Variants in EEF2KMT observed in about 807,000 individuals in gnomAD.
EEF2KMT encodes protein-lysine N-methyltransferase EEF2KMT.
Under a neutral mutation model 35.1 loss-of-function variants are expected in EEF2KMT, and 30 were observed. That is an observed-to-expected ratio of 0.85 (90% CI 0.64 to 1.16). EEF2KMT has a LOEUF of 1.16. EEF2KMT is among the 50% of genes most tolerant of loss of function. The probability of loss-of-function intolerance (pLI) is 0.00; values close to 1 mark genes in which losing one functional copy is unlikely to be tolerated. For synonymous variants in EEF2KMT, 190 were observed against 187.7 expected (o/e 1.01, Z -0.10); for missense variants, 499 against 438.2 (o/e 1.14, Z -1.24).
At chr16:5,088,272 G>C (rs1167798417) in intron 7 of EEF2KMT, among the ~76,000 whole-genome samples, 1 of 152,076 alleles carries the variant, frequency 6.6e-6, no homozygotes, top group Non-Finnish European at 1.5e-5. Context: ...GGGGGACTCT[G>C]TCGTGGAACC....
chr16:5,087,800 CAAA>C lies in EEF2KMT; in HGVS notation c.892+1304_892+1306del, dbSNP rs34399333. On this transcript the variant is annotated intron_variant, in intron 7 of 7. Coordinates refer to ENST00000427587, the MANE Select transcript of EEF2KMT (RefSeq NM_201400.4). ...GGCAATACAAAGCCAGACTCTGTCT[CAAA>C]AAAAAAAAAAAAAAAAAAGGTGGGT... is the stretch of plus-strand genomic sequence containing the variant. 6.1e-4 allele frequency among the ~76,000 whole-genome samples: 45 copies of C among 73,204 alleles called. 1 individual carries two copies. The highest frequency in any genetic ancestry group is 1.4e-3 in the African/African-American group (27 of 18,722). The allele number at this position is 73,204 out of a possible 152,430, so 48.0% of individuals were successfully genotyped here. A position where few individuals can be genotyped will look rare whatever the true frequency, so the allele number is the denominator to read the frequency against.
At chr16:5,092,008 G>T in intron 3 of EEF2KMT, 113 bp from the exon 4 acceptor site, 8 of 1,532,334 alleles carry the variant, frequency 5.2e-6, no homozygotes, top group Non-Finnish European at 7.0e-6. Flanking sequence ...TATAATACCG[G>T]CCAGCTGCCA....
At chr16:5,091,974 G>C in intron 3 of EEF2KMT, 79 bp from the exon 4 acceptor site, 2 of 1,593,934 alleles carry the variant, frequency 1.3e-6, no homozygotes, top group Non-Finnish European at 1.7e-6. Flanking sequence ...ACCAAGTTTG[G>C]AGGGGAGATT....
chr16:5,089,406 T>C lies in EEF2KMT; in HGVS notation c.743-150A>G. ...TTTGGGCCATTAGATGGAAAGGCAATTACTTGGGTGAAAAAGGAGAACCCT... is the reference window on the plus strand; with the variant it reads ...TTTGGGCCATTAGATGGAAAGGCAACTACTTGGGTGAAAAAGGAGAACCCT... On this transcript the variant is annotated intron_variant, in intron 6 of 7. Coordinates refer to ENST00000427587, the MANE Select transcript of EEF2KMT (RefSeq NM_201400.4). 6.4e-6 allele frequency: 7 copies of C among 1,090,142 alleles called. No individual in the cohort carries two copies. The Admixed American group carries it at 1.3e-4, about 20-fold the overall frequency. The allele number at this position is 1,090,142 out of a possible 1,614,324, so 67.5% of individuals were successfully genotyped here.
chr16:5,092,001 A>T, intron 3 of EEF2KMT, 106 bp from the exon 4 acceptor site: 1 of 1,546,910 alleles, frequency 6.5e-7, no homozygotes, highest in Non-Finnish European at 8.7e-7. Flanking sequence ...GGAATGGTAT[A>T]ATACCGGCCA....
Position 5,084,635 on chromosome 16 carries a change from T to A in EEF2KMT, c.*997A>T. On this transcript the variant is annotated 3_prime_UTR_variant, in exon 8 of 8. Coordinates refer to ENST00000427587, the MANE Select transcript of EEF2KMT (RefSeq NM_201400.4). Reference sequence around the variant, plus strand: ...AGGGTCTCGAGTCCAAGTGAGGGAGTTAGGGACTTGGGAGGGGTTGTTGTT... The same window carrying A: ...AGGGTCTCGAGTCCAAGTGAGGGAGATAGGGACTTGGGAGGGGTTGTTGTT... The A allele has an allele frequency of 1.3e-6, 2 of 1,492,822 alleles. No individual in the cohort carries two copies. The highest frequency in any genetic ancestry group is 1.1e-5 in the South Asian group (1 of 87,072). The allele number at this position is 1,492,822 out of a possible 1,614,324, so 92.5% of individuals were successfully genotyped here.
intron 7 of EEF2KMT, among the ~76,000 whole-genome samples, chr16:5,088,849 AG>A (rs1957273647): frequency 6.6e-6 from 1 of 152,108 alleles, no homozygotes; most frequent in Non-Finnish European, 1.5e-5. Flanking sequence ...CCAAGGGCTT[AG>A]GGAACCCTGC....
intron 4 of EEF2KMT, among the ~76,000 whole-genome samples, chr16:5,091,270 T>TG (rs1461542270): frequency 6.6e-6 from 1 of 152,178 alleles, no homozygotes; most frequent in African/African-American, 2.4e-5. Flanking sequence ...TTAGTAAAGA[T>TG]GGAGTTTCAC....
At chr16:5,086,209 C>T (rs1283111560) in intron 7 of EEF2KMT, among the ~76,000 whole-genome samples, 3 of 152,024 alleles carry the variant, frequency 2.0e-5, no homozygotes, top group Non-Finnish European at 2.9e-5. Context: ...ATGGCGAGTG[C>T]CTGTAATCCC....
At chr16:5,097,140 C>T (rs1334519008) in intron 1 of EEF2KMT, 3 of 426,962 alleles carry the variant, frequency 7.0e-6, no homozygotes, top group Non-Finnish European at 1.1e-5. Flanking sequence ...AGGCCACCCC[C>T]TTCTCTGTCT....
intron 6 of EEF2KMT, 125 bp from the exon 7 acceptor site, chr16:5,089,381 T>C: frequency 7.6e-7 from 1 of 1,322,638 alleles, no homozygotes; most frequent in South Asian, 1.4e-5. Flanking sequence ...CATTTGACCA[T>C]TTGGGCCATT....
intron 3 of EEF2KMT, 151 bp downstream of exon 3, chr16:5,093,333 A>G (rs1957381393): frequency 1.6e-6 from 2 of 1,219,978 alleles, no homozygotes. Flanking sequence ...ACTGTCTCCC[A>G]TGGGTCACAT....
At chr16:5,089,041 C>CT (rs1398211747) in intron 7 of EEF2KMT, 66 bp downstream of exon 7, 81 of 1,607,492 alleles carry the variant, frequency 5.0e-5, no homozygotes, top group Non-Finnish European at 6.6e-5. Context: ...AGTTCTTTCA[C>CT]TTCCACTGGC....
At position 5,097,443 on chromosome 16, in the gene EEF2KMT, C is replaced by T. The variant is rs1957495565; in HGVS notation, c.96+201G>A. On this transcript the variant is annotated intron_variant, in intron 1 of 7. Coordinates refer to ENST00000427587, the MANE Select transcript of EEF2KMT (RefSeq NM_201400.4). ...GGCTGTGGAGACGCCCCCAGCTTCC[C>T]CCGCCAGCTCGCGGGGCAGGAGGGG... The T allele has an allele frequency of 4.2e-6, 6 of 1,416,844 alleles. No individual in the cohort carries two copies. The East Asian group carries it at 1.0e-4, about 24-fold the overall frequency. 87.8% of individuals were successfully genotyped at this position (1,416,844 alleles called of 1,614,324 possible).
At chr16:5,091,496 T>A (rs1256908516) in intron 4 of EEF2KMT, among the ~76,000 whole-genome samples, 2 of 152,258 alleles carry the variant, frequency 1.3e-5, no homozygotes, top group Non-Finnish European at 2.9e-5. Context: ...ATTACAGGCG[T>A]GAGCCACCAC....
At chr16:5,088,103 G>A (rs1384125915) in intron 7 of EEF2KMT, among the ~76,000 whole-genome samples, 1 of 151,850 alleles carries the variant, frequency 6.6e-6, no homozygotes, top group Non-Finnish European at 1.5e-5. Context: ...AACCACATCT[G>A]GCTAGCTTCT....
chr16:5,084,660 T>G lies in EEF2KMT; in HGVS notation c.*972A>C. On this transcript the variant is annotated 3_prime_UTR_variant, in exon 8 of 8. Transcript: ENST00000427587. The stretch of plus-strand genomic sequence containing the variant: ...TTAGGGACTTGGGAGGGGTTGTTGT[T>G]GGGTCGGGGACCTGGGGTCAGCCAG... 1 of 1,580,694 alleles carries G rather than the reference T, an allele frequency of 6.3e-7. No homozygotes were observed. The highest frequency in any genetic ancestry group is 8.6e-7 in the Non-Finnish European group (1 of 1,169,230).
chr16:5,095,589 C>G, intron 1 of EEF2KMT, 75 bp from the exon 2 acceptor site: 1 of 1,603,098 alleles, frequency 6.2e-7, no homozygotes. Flanking sequence ...AATGTGTTGG[C>G]AAAGCGCTGT....
intron 2 of EEF2KMT, 43 bp downstream of exon 2, chr16:5,095,409 C>A: frequency 6.2e-7 from 1 of 1,610,524 alleles, no homozygotes. Flanking sequence ...TGGAGAGATT[C>A]AGGAGGCAGG....
Sources: allele counts gnomAD v4.1 joint callset (sites outside exome capture counted in the v4.1 genomes callset), GRCh38; gene constraint gnomAD v4.1.1; transcripts MANE v1.5; gene names NCBI Gene and HGNC (gene_info 2026-07-23, HGNC 2026-07-21).